Variants in NBEA observed in about 807,000 individuals in gnomAD.
NBEA encodes the protein neurobeachin, also known as lysosomal-trafficking regulator 2.
Under a neutral mutation model 343.4 loss-of-function variants are expected in NBEA, and 44 were observed. The ratio of observed to expected loss-of-function variants is 0.13; its 90% CI spans 0.10 to 0.16. NBEA has a LOEUF of 0.16. Among genes scored for constraint, NBEA ranks in the 10% least tolerant of loss-of-function variants. The pLI is 1.00. For synonymous variants in NBEA, 1,175 were observed against 1,238.7 expected (o/e 0.95, Z 1.08); for missense variants, 2,555 against 3,631.3 (o/e 0.70, Z 7.62).
intron 10 of NBEA, among the ~76,000 whole-genome samples, chr13:35,073,037 A>G (rs998680453): frequency 4.6e-5 from 7 of 152,182 alleles, no homozygotes; most frequent in African/African-American, 1.7e-4. Context: ...GCTCTTTGGT[A>G]CAGACAATTG....
chr13:35,474,066 C>G (rs954102288), intron 41 of NBEA: 1 of 152,062 alleles, frequency 6.6e-6, no homozygotes, highest in Non-Finnish European at 1.5e-5. Context: ...ACAGAAAGAG[C>G]TTTTCTCCAA....
intron 1 of NBEA, among the ~76,000 whole-genome samples, chr13:34,990,118 A>G (rs7320515): frequency 0.032 from 4,774 of 151,128 alleles, 293 homozygotes; most frequent in African/African-American, 0.1. Flanking sequence ...CCAGTGTTGA[A>G]TGCCTGTGGC....
At chr13:35,539,311 A>C (rs559142428) in intron 41 of NBEA, among the ~76,000 whole-genome samples, 19 of 152,282 alleles carry the variant, frequency 1.2e-4, no homozygotes, top group Non-Finnish European at 2.2e-4. Flanking sequence ...CAGAAGAACA[A>C]AATCAGAAGG....
chr13:35,226,702 T>A (rs2074671384), intron 33 of NBEA, among the ~76,000 whole-genome samples: 1 of 147,330 alleles, frequency 6.8e-6, no homozygotes, highest in Admixed American at 6.7e-5. Flanking sequence ...TTTTTTTTTT[T>A]ACTTTCGTAA....
rs1218942210 is a variant in NBEA at position 35,070,710 on chromosome 13, T to C, written c.1438-9T>C. On this transcript the variant is annotated splice_polypyrimidine_tract_variant and intron_variant, in intron 9 of 58. Transcript: ENST00000379939. ...GAAGTTTAATAAACATTTTTGTTTT[T>C]GGACATAGGATGTGAAAGCGATAGT... 4.5e-6 allele frequency: 7 copies of C among 1,568,592 alleles called. No individual in the cohort carries two copies. The highest frequency in any genetic ancestry group is 6.1e-6 in the Non-Finnish European group (7 of 1,149,732).
intron 1 of NBEA, among the ~76,000 whole-genome samples, chr13:34,944,118 T>G (rs1002561507): frequency 2.0e-5 from 3 of 152,256 alleles, no homozygotes; most frequent in Non-Finnish European, 2.9e-5. Flanking sequence ...AACAGTTTTC[T>G]CTGCAATAGA....
At chr13:35,276,365 C>T (rs2034591394) in intron 34 of NBEA, among the ~76,000 whole-genome samples, 1 of 151,978 alleles carries the variant, frequency 6.6e-6, no homozygotes, top group African/African-American at 2.4e-5. Context: ...ATTGTTTTGA[C>T]AAATCAAGAC....
chr13:35,189,394 G>T (rs995637422), intron 30 of NBEA, among the ~76,000 whole-genome samples: 1 of 151,926 alleles, frequency 6.6e-6, no homozygotes, highest in African/African-American at 2.4e-5. Flanking sequence ...TATTTGTTTT[G>T]TTGCTGTTGA....
At chr13:35,146,235 T>C (rs1341858081) in intron 18 of NBEA, among the ~76,000 whole-genome samples, 2 of 152,080 alleles carry the variant, frequency 1.3e-5, no homozygotes, top group African/African-American at 4.8e-5. Context: ...AATAAAGAAA[T>C]GGGACATAGA....
Position 35,029,826 on chromosome 13 carries a change from C to T in NBEA, c.295-11107C>T, listed in dbSNP as rs530158127. On this transcript the variant is annotated intron_variant, in intron 1 of 58. Coordinates refer to ENST00000379939, the MANE Select transcript of NBEA (RefSeq NM_001385012.1). ...ATTTTTATTCAGTAAAGTTTATTTA[C>T]TTTATGTAAATAAAAGTTACTGCAG... 3.3e-5 allele frequency among the ~76,000 whole-genome samples: 5 copies of T among 151,626 alleles called. No homozygotes were observed. In the South Asian group the frequency reaches 1.0e-3, roughly 31 times the overall value.
intron 39 of NBEA, among the ~76,000 whole-genome samples, chr13:35,450,310 C>T (rs1016506757): frequency 7.9e-6 from 1 of 126,806 alleles, no homozygotes; most frequent in Non-Finnish European, 1.7e-5. Flanking sequence ...CCCATCCCTA[C>T]AAAAAAAAAA....
chr13:35,149,294 A>C (rs1190070512), intron 18 of NBEA, among the ~76,000 whole-genome samples: 1 of 152,110 alleles, frequency 6.6e-6, no homozygotes, highest in Non-Finnish European at 1.5e-5. Context: ...TTCCCTCATC[A>C]TAGTAACTGT....
chr13:35,145,977 T>A (rs372874785), intron 18 of NBEA, among the ~76,000 whole-genome samples: 25 of 152,280 alleles, frequency 1.6e-4, no homozygotes, highest in Admixed American at 1.4e-3. Flanking sequence ...TGAGGAGATA[T>A]TGATGCTTAT....
intron 1 of NBEA, among the ~76,000 whole-genome samples, chr13:34,990,029 AG>A (rs1174135065): frequency 6.6e-6 from 1 of 151,182 alleles, no homozygotes; most frequent in African/African-American, 2.4e-5. Flanking sequence ...CACTGATGCA[AG>A]GGGTAGGCTC....
intron 41 of NBEA, among the ~76,000 whole-genome samples, chr13:35,548,400 T>TC (rs1268223163): frequency 2.0e-5 from 3 of 152,050 alleles, no homozygotes; most frequent in African/African-American, 7.2e-5. Flanking sequence ...ACACCATAGC[T>TC]CCAGAAGGAA....
intron 12 of NBEA, among the ~76,000 whole-genome samples, chr13:35,110,527 T>A (rs971222023): frequency 3.9e-5 from 6 of 152,254 alleles, no homozygotes; most frequent in Non-Finnish European, 7.4e-5. Context: ...TTTAATCTTT[T>A]TATCAGATTA....
chr13:35,301,519 C>G (rs146952030), intron 35 of NBEA, among the ~76,000 whole-genome samples: 1 of 152,056 alleles, frequency 6.6e-6, no homozygotes, highest in South Asian at 2.1e-4. Context: ...GACGTGAACT[C>G]GTTCTTTTTT....
At chr13:35,059,424 GTAAGATAGAGCGTGCACAT>G (rs2063382289) in intron 8 of NBEA, among the ~76,000 whole-genome samples, 1 of 151,744 alleles carries the variant, frequency 6.6e-6, no homozygotes, top group Non-Finnish European at 1.5e-5. Context: ...AAGACTCTAG[GTAAGATAGAGCGTGCACAT>G]ATATGAGTTA....
At chr13:35,260,684 G>A (rs1443234247) in intron 34 of NBEA, among the ~76,000 whole-genome samples, 2 of 152,156 alleles carry the variant, frequency 1.3e-5, no homozygotes, top group African/African-American at 4.8e-5. Context: ...AATTTTTTGA[G>A]ATGCATATGT....
Sources: allele counts gnomAD v4.1 joint callset (sites outside exome capture counted in the v4.1 genomes callset), GRCh38; gene constraint gnomAD v4.1.1; transcripts MANE v1.5; gene names NCBI Gene and HGNC (gene_info 2026-07-23, HGNC 2026-07-21).